The following MLXIPL variants were observed in gnomAD, a reference collection of about 807,000 sequenced individuals.
The protein encoded by MLXIPL is MLX interacting protein like.
Under a neutral mutation model 81.5 loss-of-function variants are expected in MLXIPL, and 49 were observed. That is an observed-to-expected ratio of 0.60 (90% CI 0.48 to 0.76). The LOEUF is 0.76. Among genes scored for constraint, MLXIPL ranks in the 30% least tolerant of loss-of-function variants. The pLI, the probability that MLXIPL is intolerant of heterozygous loss-of-function variation, is 0.00. For missense variants in MLXIPL, 1,053 were observed against 1,167.0 expected (o/e 0.90, Z 1.42); for synonymous variants, 466 against 485.5 (o/e 0.96, Z 0.53).
At position 73,616,104 on chromosome 7, in the gene MLXIPL, T is replaced by A; in HGVS notation, c.367A>T (p.Asn123Tyr). 6.2e-7 allele frequency: 1 copy of A among 1,614,008 alleles called. No individual in the cohort carries two copies. The highest frequency in any genetic ancestry group is 8.5e-7 in the Non-Finnish European group (1 of 1,179,990). Residue 123 changes from asparagine (N) to tyrosine (Y), a missense_variant, in exon 2 of 17, where the codon AAC (asparagine) becomes TAC (tyrosine). Asn to Tyr is a moderately radical substitution (Grantham distance 143). Transcript: ENST00000313375. ...KLLCRDKIRL[N>Y]NAIWRAWYIQ... The stretch of plus-strand genomic sequence containing the variant: ...TACCAGGCCCTCCAGATGGCGTTGT[T>A]CAGGCGGATCTTGTCTCTGCAGAGC...
At chr7:73,595,606 G>GC (rs781785651) in intron 15 of MLXIPL, 31 bp downstream of exon 15, 12 of 1,614,032 alleles carry the variant, frequency 7.4e-6, no homozygotes, top group South Asian at 3.3e-5. Flanking sequence ...AGCCCCTGCA[G>GC]CCCCCCAGCC....
At chr7:73,606,854 C>T in intron 5 of MLXIPL, 120 bp downstream of exon 5, 1 of 1,108,988 alleles carries the variant, frequency 9.0e-7, no homozygotes. Flanking sequence ...TAACATCCCA[C>T]ATTCCACCCT....
chr7:73,624,565 C>T (rs1188229218), upstream of MLXIPL: 2 of 1,451,086 alleles, frequency 1.4e-6, no homozygotes, highest in Non-Finnish European at 9.0e-7. Context: ...AGCCGGGCCT[C>T]ATTAACATAG....
chr7:73,599,808 G>A (rs1794642183), intron 7 of MLXIPL, 113 bp from the exon 8 acceptor site: 1 of 1,032,570 alleles, frequency 9.7e-7, no homozygotes, highest in African/African-American at 1.6e-5. Flanking sequence ...ATGGGGACTG[G>A]CGGGCAGAGG....
At chr7:73,625,355 C>T (rs1454243219), upstream of MLXIPL, among the ~76,000 whole-genome samples, 3 of 152,212 alleles carry the variant, frequency 2.0e-5, no homozygotes, top group African/African-American at 7.2e-5. Flanking sequence ...GGGTCCTCCA[C>T]ATAGGTAGAA....
intron 7 of MLXIPL, among the ~76,000 whole-genome samples, chr7:73,602,827 A>G (rs950181330): frequency 7.2e-5 from 11 of 152,210 alleles, no homozygotes; most frequent in African/African-American, 2.7e-4. Context: ...CTGAGGGCCT[A>G]GGGCTCCTCC....
In MLXIPL at chr7:73,607,389, C is replaced by A. The variant is rs1412190186; in HGVS notation, c.515G>T (p.Arg172Leu). 1.9e-6 allele frequency: 3 copies of A among 1,562,878 alleles called. No individual in the cohort carries two copies. The highest frequency in any genetic ancestry group is 2.4e-5 in the South Asian group (2 of 84,964). ...TTCCCGCATCACCACCTCGATGCGC[C>A]GCTTCCAGTAGTTCCCCTCCAGGAC... Reference protein sequence around the residue: ...AVVLEGNYWKRRIEVVMREYH... With the variant: ...AVVLEGNYWKLRIEVVMREYH... Residue 172 changes from arginine (R) to leucine (L), a missense_variant, in exon 4 of 17, where the codon CGG (arginine) becomes CTG (leucine). Physicochemically the swap from Arg to Leu is moderately radical, Grantham distance 102. Around this residue, in one of 3 missense-constraint regions of MLXIPL, gnomAD observed 823 missense variants for 933.0 expected, o/e 0.88. Transcript: ENST00000313375.
intron 4 of MLXIPL, 99 bp downstream of exon 4, chr7:73,607,231 CG>C (rs1554598480): frequency 1.5e-6 from 2 of 1,352,330 alleles, no homozygotes; most frequent in African/African-American, 2.9e-5. Flanking sequence ...GGCGCAAGCT[CG>C]GGGGTCAGGA....
chr7:73,605,572 GA>G, intron 7 of MLXIPL, 115 bp downstream of exon 7: 3 of 891,622 alleles, frequency 3.4e-6, no homozygotes, highest in Non-Finnish European at 3.5e-6. Context: ...TAAAAAGACA[GA>G]AAAAAAGAAA....
rs1248654166 is a variant in MLXIPL at position 73,602,070 on chromosome 7, A to ACCTG, written c.902-2379_902-2376dup. Among the ~76,000 whole-genome samples the ACCTG allele has an allele frequency of 1.5e-4, 13 of 87,286 alleles. No individual in the cohort carries two copies. The East Asian group carries it at 2.0e-3, about 14-fold the overall frequency. The allele number at this position is 87,286 out of a possible 152,430, so 57.3% of individuals were successfully genotyped here. On this transcript the variant is annotated intron_variant, in intron 7 of 16. Transcript: ENST00000313375. ...GCAAAACGGTGTCTTCTTGCTGTCC[A>ACCTG]CCTGCCTGCCTGCCTGCCTGCCTGC...
Position 73,624,386 on chromosome 7 carries a change from C to T in MLXIPL, c.107G>A (p.Arg36His). Residue 36 changes from arginine to histidine, a missense_variant, in exon 1 of 17, where the codon CGC (arginine) becomes CAC (histidine). This residue lies in a region of MLXIPL where 226 missense variants were observed against 216.2 expected (regional missense o/e 1.05). Coordinates refer to ENST00000313375, the MANE Select transcript of MLXIPL (RefSeq NM_032951.3). The stretch of plus-strand genomic sequence containing the variant: ...CGAGCGGAGCAAGCCGCCCGCGCTG[C>T]GCCGGAGACTCGGGTCCTCCGAGTC... ...DTDSEDPSLR[R>H]SAGGLLRSQV... The T allele has an allele frequency of 6.4e-7, 1 of 1,569,154 alleles. No individual in the cohort carries two copies. Among genetic ancestry groups the T allele is most frequent in the Admixed American group, 1.8e-5 (1 of 54,406 alleles).
the MLXIPL span, among the ~76,000 whole-genome samples, chr7:73,647,099 C>T: frequency 6.6e-6 from 1 of 152,196 alleles, no homozygotes; most frequent in Non-Finnish European, 1.5e-5. Context: ...CACAGTCAGA[C>T]ACAGACAAGA....
At chr7:73,601,207 G>GTGTGTT (rs1794796681) in intron 7 of MLXIPL, among the ~76,000 whole-genome samples, 1 of 150,744 alleles carries the variant, frequency 6.6e-6, no homozygotes, top group Non-Finnish European at 1.5e-5. Flanking sequence ...GTGTGTGTGT[G>GTGTGTT]TGTGTGTGTT....
chr7:73,596,482 G>C lies in MLXIPL; in HGVS notation c.1823-3C>G. On this transcript the variant is annotated splice_polypyrimidine_tract_variant and splice_region_variant and intron_variant, in intron 11 of 16. Transcript: ENST00000313375. The surrounding 1 kb of genome is among the most constrained non-coding windows in gnomAD (Gnocchi z 4.7). ...CCCTGACAGCCGCCGTTCACTGCCT[G>C]TGGTAGGGACAGACAGACCCACAGA... The C allele has an allele frequency of 3.1e-6, 5 of 1,612,908 alleles. No homozygotes were observed. Among genetic ancestry groups the C allele is most frequent in the South Asian group, 1.1e-5 (1 of 91,076 alleles).
intron 5 of MLXIPL, 193 bp downstream of exon 5, chr7:73,606,781 T>C (rs1795313536): frequency 3.1e-6 from 2 of 651,580 alleles, no homozygotes; most frequent in East Asian, 5.9e-5. Flanking sequence ...TGGGGTCTTC[T>C]CACCACCTCA....
At chr7:73,601,241 C>G (rs1794801769) in intron 7 of MLXIPL, among the ~76,000 whole-genome samples, 1 of 151,104 alleles carries the variant, frequency 6.6e-6, no homozygotes. Context: ...CCAACCCCAT[C>G]CCCCAGAGAT....
Position 73,597,302 on chromosome 7 carries a change from G to A in MLXIPL, c.1483C>T (p.Pro495Ser), listed in dbSNP as rs368147395. ...GPCFSMPRGKPPAPSPRGQKA... is the reference protein window; with the variant it reads ...GPCFSMPRGKSPAPSPRGQKA... ...TGTCCCCTAGGGGATGGGGCGGGGG[G>A]CTTGCCTCTGGGCATGGAGAAGCAA... Residue 495 changes from proline (P) to serine (S), a missense_variant, in exon 9 of 17, where the codon CCC becomes TCC. By Grantham distance (74) the Pro-to-Ser change is moderately conservative (BLOSUM62 -1). Around this residue, in one of 3 missense-constraint regions of MLXIPL, gnomAD observed 823 missense variants for 933.0 expected, o/e 0.88. Transcript: ENST00000313375. The A allele has an allele frequency of 1.7e-3, 2,715 of 1,563,612 alleles. 66 individuals are homozygous for A. In the South Asian group the frequency reaches 0.029, roughly 16 times the overall value.
chr7:73,594,532 A>C, intron 15 of MLXIPL, 129 bp from the exon 16 acceptor site: 3 of 1,140,748 alleles, frequency 2.6e-6, no homozygotes, highest in Non-Finnish European at 3.8e-6. Flanking sequence ...CCAATGACTC[A>C]TGTTGCAGCC....
Position 73,596,293 on chromosome 7 carries a change from G to A in MLXIPL, c.1939-21C>T, listed in dbSNP as rs782777178. 2 of 1,613,076 alleles carry A rather than the reference G, an allele frequency of 1.2e-6. No homozygotes were observed. Among genetic ancestry groups the A allele is most frequent in the South Asian group, 2.2e-5 (2 of 91,046 alleles). On this transcript the variant is annotated intron_variant, in intron 12 of 16. Coordinates refer to ENST00000313375, the MANE Select transcript of MLXIPL (RefSeq NM_032951.3). This position sits in a 1 kb window ranked among gnomAD's most constrained non-coding sequence, Gnocchi z 4.7. ...TCGGTCTCGGGGAGCAGAGAGTTGG[G>A]TGAGCCTAGGAAGGAGCCCAGGAGG...
Sources: allele counts gnomAD v4.1 joint callset (sites outside exome capture counted in the v4.1 genomes callset), GRCh38; gene constraint gnomAD v4.1.1; regional missense constraint gnomAD v4.1.1; non-coding constraint Gnocchi (gnomAD v3.1); transcripts MANE v1.5; gene names NCBI Gene and HGNC (gene_info 2026-07-23, HGNC 2026-07-21).